HAUS8: variants seen among roughly 807,000 people sequenced by gnomAD.
The protein encoded by HAUS8 is HAUS augmin like complex subunit 8, also known as HAUS augmin-like complex subunit 8.
Under a neutral mutation model 42.9 loss-of-function variants are expected in HAUS8, and 38 were observed. That is an observed-to-expected ratio of 0.89 (90% CI 0.68 to 1.16). The LOEUF (loss-of-function observed/expected upper bound fraction) is 1.16, where lower values mean the gene tolerates loss of function less well. Among genes scored for constraint, HAUS8 ranks in the 50% most tolerant of loss-of-function variants. The pLI is 0.00. For missense variants in HAUS8, 494 were observed against 511.6 expected, an observed-to-expected ratio of 0.97 and a Z score of 0.33; for synonymous variants, 199 against 205.8, an observed-to-expected ratio of 0.97 and a Z score of 0.28.
intron 10 of HAUS8, among the ~76,000 whole-genome samples, chr19:17,051,389 TAA>T (rs35541040): frequency 5.4e-5 from 8 of 148,774 alleles, no homozygotes; most frequent in Non-Finnish European, 7.4e-5. Flanking sequence ...TGGGGGAGGT[TAA>T]AAAAAAAAGC....
At position 17,058,662 on chromosome 19, in the gene HAUS8, A is replaced by T; in HGVS notation, c.532T>A (p.Leu178Ile). The T allele has an allele frequency of 3.1e-6, 5 of 1,612,398 alleles. No homozygotes were observed. The highest frequency in any genetic ancestry group is 4.2e-6 in the Non-Finnish European group (5 of 1,179,492). ...TCCTTCTCCTTACACATTATTAATA[A>T]ATTCTTTTCTGCCCTTCTTTCAAAC... ...AEFERRAEKN[L>I]LIMCKEKEKL... Residue 178 changes from leucine (L) to isoleucine (I), a missense_variant, in exon 8 of 11, where the codon TTA becomes ATA. By Grantham distance (5) the Leu-to-Ile change is conservative. Coordinates refer to ENST00000253669, the MANE Select transcript of HAUS8 (RefSeq NM_033417.2).
Position 17,062,739 on chromosome 19 carries a change from G to C in HAUS8, c.188C>G (p.Ser63Cys). 6.2e-7 allele frequency: 1 copy of C among 1,614,170 alleles called. No individual in the cohort carries two copies. The highest frequency in any genetic ancestry group is 8.5e-7 in the Non-Finnish European group (1 of 1,180,026). Reference sequence around the variant, plus strand: ...CAGGCTGGATTTCCTTCCACCTTCAGACATCTTCCCTCGGGTCTGTGACCC... The same window carrying C: ...CAGGCTGGATTTCCTTCCACCTTCACACATCTTCCCTCGGGTCTGTGACCC... ...GDGSQTRGKM[S>C]EGGRKSSLLQ... The change falls in exon 4 of 11, where the codon TCT (serine) becomes TGT (cysteine). Residue 63 changes from serine to cysteine, a missense_variant. Physicochemically the swap from Ser to Cys is moderately radical, Grantham distance 112 (BLOSUM62 -1). Transcript: ENST00000253669.
chr19:17,072,485 G>A (rs1292526062), intron 2 of HAUS8, among the ~76,000 whole-genome samples: 1 of 151,644 alleles, frequency 6.6e-6, no homozygotes, highest in Non-Finnish European at 1.5e-5. Flanking sequence ...TGGGATTACA[G>A]GCACCTACCA....
chr19:17,056,411 C>T (rs1331685546), intron 8 of HAUS8, among the ~76,000 whole-genome samples: 2 of 152,152 alleles, frequency 1.3e-5, no homozygotes, highest in Non-Finnish European at 2.9e-5. Context: ...GGGGCATCAA[C>T]CCCTGTGCAG....
intron 3 of HAUS8, among the ~76,000 whole-genome samples, chr19:17,068,053 AT>A (rs1346781872): frequency 7.6e-6 from 1 of 130,730 alleles, no homozygotes; most frequent in Non-Finnish European, 1.7e-5. Flanking sequence ...GAAGGATGTC[AT>A]TTTTCCCATA....
intron 3 of HAUS8, among the ~76,000 whole-genome samples, chr19:17,064,245 G>T (rs370173240): frequency 1.3e-5 from 2 of 152,288 alleles, no homozygotes; most frequent in South Asian, 2.1e-4. Context: ...AATCCAGGAA[G>T]ATCTAAATAA....
chr19:17,055,711 G>A, intron 9 of HAUS8, 150 bp downstream of exon 9: 1 of 782,394 alleles, frequency 1.3e-6, no homozygotes, highest in Admixed American at 2.6e-5. Flanking sequence ...CGAGACCCTT[G>A]GAGGAACCAC....
chr19:17,069,194 A>G, intron 2 of HAUS8, 108 bp from the exon 3 acceptor site: 1 of 916,462 alleles, frequency 1.1e-6, no homozygotes, highest in East Asian at 2.6e-5. Flanking sequence ...CTCTCCACTC[A>G]GTGACCAGAA....
chr19:17,073,520 T>C (rs1431499595), intron 1 of HAUS8, 185 bp from the exon 2 acceptor site: 1 of 633,210 alleles, frequency 1.6e-6, no homozygotes, highest in Non-Finnish European at 2.8e-6. Flanking sequence ...CCTGGTCACC[T>C]GGGCAAGAAG....
chr19:17,070,769 T>TCTATCATTC (rs1183338048), intron 2 of HAUS8, among the ~76,000 whole-genome samples: 4 of 152,290 alleles, frequency 2.6e-5, no homozygotes, highest in Admixed American at 6.5e-5. Context: ...CTCGATAATA[T>TCTATCATTC]GTCAAATGAA....
In HAUS8 at chr19:17,052,896, T is replaced by C; in HGVS notation, c.858A>G (p.Glu286=). Residue 286 remains glutamate (E), a synonymous_variant, in exon 10 of 11, where the codon GAA becomes GAG. Transcript: ENST00000253669. ...LGELDVGDSE[E]NVQVLDLLSE... is the part of the protein sequence containing the mutation. ...TCAGTAAGTCCAGCACCTGCACATT[T>C]TCTTCCGAATCACCAACATCAAGTT... The C allele has an allele frequency of 9.9e-6, 16 of 1,614,208 alleles. No individual in the cohort carries two copies. The highest frequency in any genetic ancestry group is 1.4e-5 in the Non-Finnish European group (16 of 1,180,032).
intron 10 of HAUS8, 154 bp downstream of exon 10, chr19:17,052,671 G>A (rs1445076980): frequency 2.3e-5 from 17 of 750,436 alleles, no homozygotes; most frequent in Non-Finnish European, 3.6e-5. Context: ...GGCCATTCTT[G>A]TATCATGCAG....
intron 2 of HAUS8, among the ~76,000 whole-genome samples, chr19:17,071,394 G>T (rs1161076539): frequency 2.0e-5 from 3 of 152,144 alleles, no homozygotes; most frequent in Non-Finnish European, 4.4e-5. Flanking sequence ...GGTGCAGGTG[G>T]GTGCCCGGCA....
chr19:17,058,531 G>C lies in HAUS8; in HGVS notation c.645+18C>G, dbSNP rs958882527. ...ACAGGGAACACTCACTGGTCACAGAGTGTCACTTACAACTGACCTGGGCAT... is the reference window on the plus strand; with the variant it reads ...ACAGGGAACACTCACTGGTCACAGACTGTCACTTACAACTGACCTGGGCAT... On this transcript the variant is annotated intron_variant, in intron 8 of 10. Transcript: ENST00000253669. 6.4e-7 allele frequency: 1 copy of C among 1,573,260 alleles called. No individual in the cohort carries two copies. The highest frequency in any genetic ancestry group is 2.3e-5 in the East Asian group (1 of 44,416).
rs905483512 is a variant in HAUS8, at chr19:17,068,100, T to C, written c.147+931A>G. Among the ~76,000 whole-genome samples the C allele has an allele frequency of 8.5e-5, 7 of 82,426 alleles. No homozygotes were observed. The South Asian group carries it at 1.4e-3, about 16-fold the overall frequency. 54.1% of individuals were successfully genotyped at this position (82,426 alleles called of 152,430 possible). ...AAAAACCTGTTTTTTTATTTTATTC[T>C]TTTTTTTTTTTTTTTTTTTTTTTGA... On this transcript the variant is annotated intron_variant, in intron 3 of 10. Transcript: ENST00000253669.
chr19:17,050,474 T>C (rs2123354970), intron 10 of HAUS8, among the ~76,000 whole-genome samples: 1 of 152,244 alleles, frequency 6.6e-6, no homozygotes, highest in Non-Finnish European at 1.5e-5. Context: ...ATTAATCCCC[T>C]GGCCAGGTAA....
chr19:17,065,843 C>T (rs898602283), intron 3 of HAUS8, among the ~76,000 whole-genome samples: 1 of 148,946 alleles, frequency 6.7e-6, no homozygotes, highest in African/African-American at 2.5e-5. Flanking sequence ...AAAAAAAGCA[C>T]AGAGCTTGGA....
intron 9 of HAUS8, 67 bp downstream of exon 9, chr19:17,055,794 C>A: frequency 1.3e-6 from 2 of 1,512,248 alleles, no homozygotes; most frequent in South Asian, 2.5e-5. Context: ...ATCAGGCCCA[C>A]AGGAAGCACC....
intron 3 of HAUS8, among the ~76,000 whole-genome samples, chr19:17,065,215 G>T (rs566105679): frequency 3.2e-4 from 48 of 152,284 alleles, no homozygotes; most frequent in African/African-American, 1.1e-3. Context: ...TGTGCCTAGT[G>T]GGAACATAAA....
Sources: allele counts gnomAD v4.1 joint callset (sites outside exome capture counted in the v4.1 genomes callset), GRCh38; gene constraint gnomAD v4.1.1; transcripts MANE v1.5; gene names NCBI Gene and HGNC (gene_info 2026-07-23, HGNC 2026-07-21).